Variants in NOP14 observed in about 807,000 individuals in gnomAD.
The protein encoded by NOP14 is NOP14 nucleolar protein, also known as nucleolar protein 14.
Under a neutral mutation model 101.6 loss-of-function variants are expected in NOP14, and 57 were observed. The ratio of observed to expected loss-of-function variants is 0.56; its 90% CI spans 0.45 to 0.70. The LOEUF (loss-of-function observed/expected upper bound fraction) is 0.70. Ranked by LOEUF, NOP14 falls within the 30% of genes least tolerant of loss-of-function variation. The pLI, the probability that NOP14 is intolerant of heterozygous loss-of-function variation, is 0.00. For missense variants in NOP14, 1,134 were observed against 1,075.5 expected (o/e 1.05, Z -0.76); for synonymous variants, 428 against 424.0 (o/e 1.01, Z -0.12).
In NOP14 at chr4:2,954,695, C is replaced by T. The variant is rs1486155678; in HGVS notation, c.473-132G>A. 12 of 1,100,514 alleles carry T rather than the reference C, an allele frequency of 1.1e-5. No homozygotes were observed. In the African/African-American group the frequency reaches 1.1e-4, roughly 10 times the overall value. 68.2% of individuals were successfully genotyped at this position (1,100,514 alleles called of 1,614,324 possible). ...CACATTTGAGAAAAAAATGCTCACA[C>T]GCAACAGCCTGGCCTGAGACCACAG... On this transcript the variant is annotated intron_variant, in intron 3 of 17. Transcript: ENST00000416614.
At chr4:2,945,350 C>A in intron 11 of NOP14, 121 bp from the exon 12 acceptor site, 3 of 740,792 alleles carry the variant, frequency 4.0e-6, no homozygotes, top group Non-Finnish European at 6.8e-6. Context: ...TCTCCTTGGC[C>A]CAGAGCTCTG....
intron 1 of NOP14, among the ~76,000 whole-genome samples, chr4:2,961,982 G>A (rs935674355): frequency 1.3e-5 from 2 of 152,196 alleles, no homozygotes; most frequent in Non-Finnish European, 2.9e-5. Context: ...ACCTGAGCTG[G>A]CCCTTTAGAG....
At chr4:2,960,203 C>A (rs1301339648) in intron 1 of NOP14, among the ~76,000 whole-genome samples, 1 of 152,042 alleles carries the variant, frequency 6.6e-6, no homozygotes, top group East Asian at 1.9e-4. Flanking sequence ...AACTCCTGAG[C>A]TCAGGCAATC....
At position 2,941,647 on chromosome 4, in the gene NOP14, T is replaced by G. The variant is rs778045417; in HGVS notation, c.2134A>C (p.Met712Leu). The change falls in exon 15 of 18, where the codon ATG becomes CTG. Residue 712 changes from methionine (M) to leucine (L), a missense_variant. Physicochemically the swap from Met to Leu is conservative, Grantham distance 15. Coordinates refer to ENST00000416614, the MANE Select transcript of NOP14 (RefSeq NM_001291978.2). ...GTGAGGAGGGCTTGGAGAGGCCCCA[T>G]GATGGCGTGGAAGGATGGCAGGGAC... ...YGSLPSFHAI[M>L]GPLQALLTDH... 4 of 1,613,322 alleles carry G rather than the reference T, an allele frequency of 2.5e-6. No homozygotes were observed.
intron 10 of NOP14, chr4:2,947,092 C>T (rs760515410): frequency 2.7e-5 from 6 of 226,240 alleles, no homozygotes; most frequent in African/African-American, 4.7e-5. Flanking sequence ...GGCAGGAGCT[C>T]GCCCTGGCGG....
In NOP14 at chr4:2,938,859, G is replaced by C. The variant is rs776645538; in HGVS notation, c.2546C>G (p.Ala849Gly). ...TTTTTTGAACTTTTTCCTCTTCAGA[G>C]CCTTCCATTCGCCTTCCTGTGTAGC... ...SLATQEGEWK[A>G]LKRKKFKK The change falls in exon 18 of 18, where the codon GCT (alanine) becomes GGT (glycine). Residue 849 changes from alanine to glycine, a missense_variant. Transcript: ENST00000416614. 9 of 1,613,846 alleles carry C rather than the reference G, an allele frequency of 5.6e-6. No homozygotes were observed. Among genetic ancestry groups the C allele is most frequent in the South Asian group, 1.1e-5 (1 of 91,080 alleles).
At chr4:2,945,452 A>C (rs1192224958) in intron 11 of NOP14, among the ~76,000 whole-genome samples, 1 of 152,230 alleles carries the variant, frequency 6.6e-6, no homozygotes, top group Non-Finnish European at 1.5e-5. Flanking sequence ...ACTTCAAAGC[A>C]GTCAACAATG....
In NOP14 at chr4:2,946,787, G is replaced by A. The variant is rs78463788; in HGVS notation, c.1500-240C>T. 3.8e-4 allele frequency: 196 copies of A among 517,338 alleles called. 1 individual carries two copies. Among genetic ancestry groups the A allele is most frequent in the African/African-American group, 3.1e-3 (164 of 52,156 alleles). The allele number at this position is 517,338 out of a possible 1,614,324, so 32.0% of individuals were successfully genotyped here. On this transcript the variant is annotated intron_variant, in intron 10 of 17. Transcript: ENST00000416614. ...AAACAGCTCGATTTGTGGTACAGAC[G>A]TTGTTGGGGGCACCACTCTGTGTGG...
chr4:2,952,324 G>A lies in NOP14; in HGVS notation c.821C>T (p.Thr274Met), dbSNP rs1264465249. The change falls in exon 6 of 18, where the codon ACG becomes ATG. Residue 274 changes from threonine to methionine, a missense_variant. Transcript: ENST00000416614. ...CTCTTCCTTTGCCAATTCTGCCTCC[G>A]TCTTCATCCTGTTAGAGGGCTGCGC... is the stretch of plus-strand genomic sequence containing the variant. ...MKAQPSNRMK[T>M]EAELAKEEQE... is the part of the protein sequence containing the mutation. 66 of 1,613,674 alleles carry A rather than the reference G, an allele frequency of 4.1e-5. No homozygotes were observed. Among genetic ancestry groups the A allele is most frequent in the East Asian group, 1.6e-4 (7 of 44,888 alleles).
At chr4:2,941,811 C>T (rs1714219728) in intron 14 of NOP14, 82 bp from the exon 15 acceptor site, 2 of 1,467,282 alleles carry the variant, frequency 1.4e-6, no homozygotes, top group South Asian at 1.3e-5. Flanking sequence ...AAATGAACTT[C>T]CCCACTTCCA....
intron 3 of NOP14, 56 bp from the exon 4 acceptor site, chr4:2,954,619 G>C: frequency 6.3e-7 from 1 of 1,590,580 alleles, no homozygotes. Context: ...CGTGGGAAGT[G>C]TTTCCTGTAG....
intron 10 of NOP14, 59 bp from the exon 11 acceptor site, chr4:2,946,606 G>T: frequency 6.5e-7 from 1 of 1,539,814 alleles, no homozygotes; most frequent in Non-Finnish European, 8.9e-7. Flanking sequence ...ACACAGAAAA[G>T]CCCTGCAAGC....
In NOP14 at chr4:2,938,866, A is replaced by C. The variant is rs1713897473; in HGVS notation, c.2539T>G (p.Trp847Gly). 1 of 1,613,982 alleles carries C rather than the reference A, an allele frequency of 6.2e-7. No homozygotes were observed. Among genetic ancestry groups the C allele is most frequent in the African/African-American group, 1.3e-5 (1 of 74,908 alleles). The change falls in exon 18 of 18, where the codon TGG becomes GGG. Residue 847 changes from tryptophan to glycine, a missense_variant. Physicochemically the swap from Trp to Gly is radical, Grantham distance 184. Transcript: ENST00000416614. Reference sequence around the variant, plus strand: ...AACTTTTTCCTCTTCAGAGCCTTCCATTCGCCTTCCTGTGTAGCCAGGCTG... The same window carrying C: ...AACTTTTTCCTCTTCAGAGCCTTCCCTTCGCCTTCCTGTGTAGCCAGGCTG... The part of the protein sequence containing the change: ...FNSLATQEGE[W>G]KALKRKKFKK
At chr4:2,944,348 C>T in intron 12 of NOP14, 122 bp from the exon 13 acceptor site, 2 of 739,562 alleles carry the variant, frequency 2.7e-6, no homozygotes, top group Non-Finnish European at 4.4e-6. Context: ...GAGGGAACCC[C>T]CGCACCTTAT....
intron 9 of NOP14, 146 bp downstream of exon 9, chr4:2,948,132 G>T: frequency 4.6e-6 from 5 of 1,076,572 alleles, no homozygotes; most frequent in African/African-American, 1.6e-5. Flanking sequence ...AGTACTCCCA[G>T]CCATCATCAT....
intron 4 of NOP14, 65 bp from the exon 5 acceptor site, chr4:2,953,710 A>G (rs1178190294): frequency 9.5e-6 from 15 of 1,585,492 alleles, no homozygotes; most frequent in Admixed American, 1.7e-5. Context: ...CAGAGGCCCA[A>G]TGTCAGTGCC....
intron 6 of NOP14, 57 bp from the exon 7 acceptor site, chr4:2,951,302 G>A (rs1391265482): frequency 1.9e-6 from 3 of 1,566,906 alleles, no homozygotes; most frequent in Non-Finnish European, 2.6e-6. Context: ...ATGGTGAGGG[G>A]GCCGTGCAGT....
intron 13 of NOP14, among the ~76,000 whole-genome samples, chr4:2,943,346 G>T (rs1714364477): frequency 6.6e-6 from 1 of 152,240 alleles, no homozygotes; most frequent in Admixed American, 6.5e-5. Context: ...AGGGGTCTGA[G>T]CCTTGAGGTC....
rs537280433 is a variant in NOP14, at chr4:2,938,168, G to A, written c.*663C>T. On this transcript the variant is annotated 3_prime_UTR_variant, in exon 18 of 18. Coordinates refer to ENST00000416614, the MANE Select transcript of NOP14 (RefSeq NM_001291978.2). ...GTGACGTTTTAACAGAAACAAAACC[G>A]CAGGCAGCGGGTGGGGGGAGCTGGA... is the stretch of plus-strand genomic sequence containing the variant. 1.6e-5 allele frequency: 21 copies of A among 1,281,910 alleles called. No individual in the cohort carries two copies. Among genetic ancestry groups the A allele is most frequent in the African/African-American group, 4.6e-5 (3 of 65,446 alleles). The allele number at this position is 1,281,910 out of a possible 1,614,324, so 79.4% of individuals were successfully genotyped here. A position where few individuals can be genotyped will look rare whatever the true frequency, so the allele number is the denominator to read the frequency against.
Sources: gnomAD v4.1 joint callset for allele counts (sites outside exome capture counted in the v4.1 genomes callset) on GRCh38, gnomAD v4.1.1 for gene constraint, MANE v1.5 for transcripts, NCBI Gene and HGNC (gene_info 2026-07-23, HGNC 2026-07-21) for gene names.